The following ARID1B variants were observed in gnomAD, a reference collection of about 807,000 sequenced individuals.
ARID1B encodes the protein AT-rich interactive domain-containing protein 1B.
Under a neutral mutation model 212.3 loss-of-function variants are expected in ARID1B, and 30 were observed. That is an observed-to-expected ratio of 0.14 (90% confidence interval 0.11 to 0.19). The LOEUF (loss-of-function observed/expected upper bound fraction) is 0.19, where lower values mean the gene tolerates loss of function less well. Among genes scored for constraint, ARID1B ranks in the 10% least tolerant of loss-of-function variants. The probability of loss-of-function intolerance (pLI) is 1.00; values close to 1 mark genes in which losing one functional copy is unlikely to be tolerated. For missense variants in ARID1B, 2,891 were observed against 3,204.0 expected, an observed-to-expected ratio of 0.90 and a Z score of 2.36; for synonymous variants, 1,402 against 1,301.7, an observed-to-expected ratio of 1.08 and a Z score of -1.66.
At chr6:156,897,212 G>C (rs982425313) in intron 2 of ARID1B, among the ~76,000 whole-genome samples, 46 of 70,010 alleles carry the variant, frequency 6.6e-4, no homozygotes, top group Non-Finnish European at 1.3e-3. Context: ...TGCTGCTGCT[G>C]CTGCTGCTTC....
rs562112598 is a variant in ARID1B, at chr6:157,021,302, C to T, written c.2248-63360C>T. Among the ~76,000 whole-genome samples the T allele has an allele frequency of 1.1e-4, 17 of 152,382 alleles. 1 individual carries two copies. The South Asian group carries it at 3.5e-3, about 32-fold the overall frequency. On this transcript the variant is annotated intron_variant, in intron 4 of 19. Coordinates refer to ENST00000636930, the MANE Select transcript of ARID1B (RefSeq NM_001374828.1). Reference sequence around the variant, plus strand: ...CCGCGCCCACGGAAGAAGCCGAGCTCCTCCGAAGGGAGAACCAGTGATTCC... The same window carrying T: ...CCGCGCCCACGGAAGAAGCCGAGCTTCTCCGAAGGGAGAACCAGTGATTCC...
intron 1 of ARID1B, among the ~76,000 whole-genome samples, chr6:156,786,955 T>TC (rs1384646307): frequency 1.3e-4 from 19 of 151,842 alleles, no homozygotes; most frequent in African/African-American, 4.6e-4. Flanking sequence ...GCTTTTTTTT[T>TC]TTTTTTTTCC....
At chr6:157,010,766 A>C (rs1169423855) in intron 4 of ARID1B, among the ~76,000 whole-genome samples, 2 of 152,166 alleles carry the variant, frequency 1.3e-5, no homozygotes, top group African/African-American at 4.8e-5. Flanking sequence ...AAACTGAAAA[A>C]TCTTTCTCTA....
At chr6:157,141,624 A>T (rs1350142004) in intron 7 of ARID1B, among the ~76,000 whole-genome samples, 4 of 152,228 alleles carry the variant, frequency 2.6e-5, no homozygotes, top group African/African-American at 9.6e-5. Context: ...AGCTGTATTG[A>T]AATAGAACTT....
intron 2 of ARID1B, among the ~76,000 whole-genome samples, chr6:156,894,398 G>A (rs1788222851): frequency 6.6e-6 from 1 of 152,024 alleles, no homozygotes; most frequent in Non-Finnish European, 1.5e-5. Flanking sequence ...AAGGATGGTG[G>A]TGATGGTTGG....
chr6:157,039,876 CT>C (rs1352976884), intron 4 of ARID1B, among the ~76,000 whole-genome samples: 23 of 58,318 alleles, frequency 3.9e-4, no homozygotes, highest in Admixed American at 5.3e-4. Context: ...CTTTCTCTTT[CT>C]TTTCTCTTCC....
At chr6:157,161,431 G>GTGTGTGTGTGTGTGTGTATATA (rs540423195) in intron 8 of ARID1B, among the ~76,000 whole-genome samples, 2 of 139,378 alleles carry the variant, frequency 1.4e-5, no homozygotes, top group African/African-American at 5.6e-5. Context: ...TTGTGTGTGT[G>GTGTGTGTGTGTGTGTGTATATA]TATATATATA....
chr6:157,073,410 A>C (rs1381647312), intron 4 of ARID1B, among the ~76,000 whole-genome samples: 1 of 151,974 alleles, frequency 6.6e-6, no homozygotes. Context: ...GGCCCTATGC[A>C]CCCCATCTTT....
chr6:156,930,639 A>G lies in ARID1B; in HGVS notation c.2137-4827A>G, dbSNP rs1791619603. On this transcript the variant is annotated intron_variant, in intron 3 of 19. Coordinates refer to ENST00000636930, the MANE Select transcript of ARID1B (RefSeq NM_001374828.1). ...GTATGAAGAACGGAAGACTGGAAAC[A>G]ACCTAAATGTACATCAATAAGTGAC... Among the ~76,000 whole-genome samples the G allele has an allele frequency of 2.6e-5, 4 of 152,204 alleles. No homozygotes were observed. The South Asian group carries it at 6.2e-4, about 24-fold the overall frequency.
At position 156,778,964 on chromosome 6, in the gene ARID1B, G is replaced by C. The variant is rs1008607623; in HGVS notation, c.1284G>C (p.Ala428=). 7 of 1,286,676 alleles carry C rather than the reference G, an allele frequency of 5.4e-6. No homozygotes were observed. The highest frequency in any genetic ancestry group is 6.8e-6 in the Non-Finnish European group (7 of 1,026,984). 79.7% of individuals were successfully genotyped at this position (1,286,676 alleles called of 1,614,324 possible). A position where few individuals can be genotyped will look rare whatever the true frequency, so the allele number is the denominator to read the frequency against. The part of the protein sequence containing the change: ...GAGAVAAAAA[A]AAAAAGGGGG... The stretch of plus-strand genomic sequence containing the variant: ...GAGCTGTGGCGGCGGCGGCCGCGGC[G>C]GCGGCGGCAGCAGCAGGAGGCGGCG... Residue 428 remains alanine (A), a synonymous_variant, in exon 1 of 20, where the codon GCG becomes GCC. Transcript: ENST00000636930.
At chr6:157,008,851 G>A (rs1037104343) in intron 4 of ARID1B, among the ~76,000 whole-genome samples, 1 of 152,140 alleles carries the variant, frequency 6.6e-6, no homozygotes, top group Non-Finnish European at 1.5e-5. Flanking sequence ...GGGTGGTGGT[G>A]CTGGGAGCTG....
intron 4 of ARID1B, among the ~76,000 whole-genome samples, chr6:157,051,888 T>C (rs182983025): frequency 2.0e-5 from 3 of 152,348 alleles, no homozygotes; most frequent in African/African-American, 4.8e-5. Context: ...TTTGTAACCA[T>C]ATTTCATAAA....
chr6:156,994,281 A>G (rs1382531942), intron 4 of ARID1B, among the ~76,000 whole-genome samples: 2 of 152,192 alleles, frequency 1.3e-5, no homozygotes, highest in African/African-American at 4.8e-5. Flanking sequence ...TCTTTCAATA[A>G]CAAGCCATTT....
At chr6:156,781,269 A>G (rs1298644855) in intron 1 of ARID1B, among the ~76,000 whole-genome samples, 1 of 151,640 alleles carries the variant, frequency 6.6e-6, no homozygotes, top group Non-Finnish European at 1.5e-5. Flanking sequence ...GAATACAGAA[A>G]TGCCCCATAA....
intron 3 of ARID1B, among the ~76,000 whole-genome samples, chr6:156,920,238 T>A (rs191082457): frequency 4.6e-4 from 70 of 152,370 alleles, no homozygotes; most frequent in African/African-American, 1.6e-3. Flanking sequence ...GATACCCTGC[T>A]CCTGCCCCCA....
intron 9 of ARID1B, among the ~76,000 whole-genome samples, chr6:157,172,522 C>T (rs1330480297): frequency 6.6e-6 from 1 of 152,110 alleles, no homozygotes; most frequent in Non-Finnish European, 1.5e-5. Context: ...CCAATGCGCC[C>T]GTGGAAAAGA....
intron 2 of ARID1B, among the ~76,000 whole-genome samples, chr6:156,855,803 A>G (rs936035809): frequency 6.6e-6 from 1 of 152,170 alleles, no homozygotes; most frequent in Admixed American, 6.5e-5. Context: ...AGTGATTTAC[A>G]TTGGAGAAAT....
At chr6:157,062,575 A>C (rs1783407647) in intron 4 of ARID1B, among the ~76,000 whole-genome samples, 1 of 152,006 alleles carries the variant, frequency 6.6e-6, no homozygotes, top group Non-Finnish European at 1.5e-5. Flanking sequence ...AGAAGGTATG[A>C]GGACAGGGTA....
chr6:157,132,054 T>C (rs4403273), intron 6 of ARID1B, among the ~76,000 whole-genome samples: 20,117 of 152,182 alleles, frequency 0.13, 2,522 homozygotes, highest in African/African-American at 0.32. Flanking sequence ...CTGAAAGTTA[T>C]TCTGGCACCT....
Sources: allele counts gnomAD v4.1 joint callset (sites outside exome capture counted in the v4.1 genomes callset), GRCh38; gene constraint gnomAD v4.1.1; transcripts MANE v1.5; gene names NCBI Gene and HGNC (gene_info 2026-07-23, HGNC 2026-07-21).